Variants in HEATR3 observed in about 807,000 individuals in gnomAD.
HEATR3 encodes the protein HEAT repeat-containing protein 3.
In HEATR3, 56 loss-of-function variants were observed where a neutral mutation model predicts 72.8. The ratio of observed to expected loss-of-function variants is 0.77; its 90% CI spans 0.62 to 0.96. The LOEUF (loss-of-function observed/expected upper bound fraction) is 0.96. Among genes scored for constraint, HEATR3 ranks in the 40% least tolerant of loss-of-function variants. HEATR3 has a pLI of 0.00. For synonymous variants in HEATR3, 331 were observed against 318.1 expected, an observed-to-expected ratio of 1.04 and a Z score of -0.43; for missense variants, 747 against 831.4, an observed-to-expected ratio of 0.90 and a Z score of 1.25.
intron 6 of HEATR3, 133 bp from the exon 7 acceptor site, chr16:50,078,608 A>T: frequency 1.2e-6 from 1 of 808,932 alleles, no homozygotes; most frequent in South Asian, 1.9e-5. Flanking sequence ...TATTTAATAA[A>T]TAATGAACAA....
At chr16:50,092,233 G>GGCT (rs1390952346) in intron 11 of HEATR3, among the ~76,000 whole-genome samples, 1 of 151,840 alleles carries the variant, frequency 6.6e-6, no homozygotes, top group Non-Finnish European at 1.5e-5. Flanking sequence ...CTACTCGGGA[G>GGCT]GCTGAGGCAG....
intron 12 of HEATR3, among the ~76,000 whole-genome samples, chr16:50,098,810 T>A (rs931686048): frequency 6.6e-6 from 1 of 152,108 alleles, no homozygotes; most frequent in Non-Finnish European, 1.5e-5. Flanking sequence ...TACAGTGATA[T>A]TAAAATTGTT....
chr16:50,091,072 C>T (rs545865026), intron 11 of HEATR3, among the ~76,000 whole-genome samples: 8 of 151,392 alleles, frequency 5.3e-5, no homozygotes, highest in East Asian at 1.9e-4. Context: ...TGAACCTGGG[C>T]GGTGAAGATT....
Position 50,078,854 on chromosome 16 carries a change from A to T in HEATR3, c.877A>T (p.Ile293Phe). ...GGGAATGGATGCTGGTGAAATGGTT[A>T]TTCAAATGAAAGAGGCTGAAACGCA... ...VLGMDAGEMV[I>F]QMKEAETQRL... The change falls in exon 7 of 15, where the codon ATT becomes TTT. Residue 293 changes from isoleucine to phenylalanine, a missense_variant. This residue lies in a region of HEATR3 where 586 missense variants were observed against 708.8 expected (regional missense o/e 0.83). Coordinates refer to ENST00000299192, the MANE Select transcript of HEATR3 (RefSeq NM_182922.4). 1 of 1,614,160 alleles carries T rather than the reference A, an allele frequency of 6.2e-7. No homozygotes were observed. Among genetic ancestry groups the T allele is most frequent in the Non-Finnish European group, 8.5e-7 (1 of 1,180,024 alleles).
chr16:50,079,102 G>C (rs1029785592), intron 7 of HEATR3, 84 bp downstream of exon 7: 6 of 1,374,692 alleles, frequency 4.4e-6, no homozygotes, highest in Non-Finnish European at 5.9e-6. Flanking sequence ...GCAGAAAAAT[G>C]TTATAGCAAA....
At chr16:50,092,653 GGGAT>G (rs1462733262) in intron 11 of HEATR3, among the ~76,000 whole-genome samples, 15 of 151,658 alleles carry the variant, frequency 9.9e-5, no homozygotes, top group Non-Finnish European at 1.9e-4. Context: ...GTGTTAGCCA[GGGAT>G]GGTCTTGATC....
In HEATR3 at chr16:50,096,537, G is replaced by A. The variant is rs570647754; in HGVS notation, c.1599+1744G>A. ...GTTCAGGCCAGCTGCAGTGGCTCAC[G>A]CCTGTAATCCCAGCACTTTGGGAGG... is the stretch of plus-strand genomic sequence containing the variant. On this transcript the variant is annotated intron_variant, in intron 12 of 14. Coordinates refer to ENST00000299192, the MANE Select transcript of HEATR3 (RefSeq NM_182922.4). Among the ~76,000 whole-genome samples the A allele has an allele frequency of 9.9e-5, 15 of 151,474 alleles. No homozygotes were observed. In the East Asian group the frequency reaches 2.6e-3, roughly 26 times the overall value.
At chr16:50,081,946 A>G (rs1423107096) in intron 7 of HEATR3, among the ~76,000 whole-genome samples, 4 of 152,128 alleles carry the variant, frequency 2.6e-5, no homozygotes. Flanking sequence ...ATTTCGTCTA[A>G]ATTGGTTCTT....
intron 6 of HEATR3, 106 bp from the exon 7 acceptor site, chr16:50,078,635 A>AT (rs1396671203): frequency 3.2e-5 from 36 of 1,139,068 alleles, no homozygotes; most frequent in Non-Finnish European, 4.4e-5. Context: ...TAGGGCTGAG[A>AT]TTTTTTGAAA....
chr16:50,066,366 G>T lies in HEATR3; in HGVS notation c.139-1G>T. On this transcript the variant is annotated splice_acceptor_variant, in intron 1 of 14. Coordinates refer to ENST00000299192, the MANE Select transcript of HEATR3 (RefSeq NM_182922.4). LOFTEE classifies it high-confidence loss of function. ...CTGACCCTTTTCGCTCTCATCCGCA[G>T]CTCCAGCACCCGAGCGCCGAGGTCC... 6.4e-7 allele frequency: 1 copy of T among 1,551,458 alleles called. No individual in the cohort carries two copies. The highest frequency in any genetic ancestry group is 1.2e-5 in the South Asian group (1 of 85,492).
chr16:50,100,829 A>C, intron 13 of HEATR3: 1 of 197,900 alleles, frequency 5.1e-6, no homozygotes, highest in Non-Finnish European at 1.0e-5. Context: ...TTAAGCAGCA[A>C]CCCTGGTAGT....
At chr16:50,096,324 CAAAAAAAAAA>C (rs59995532) in intron 12 of HEATR3, among the ~76,000 whole-genome samples, 4 of 86,822 alleles carry the variant, frequency 4.6e-5, no homozygotes, top group African/African-American at 1.3e-4. Context: ...GACTCCGTCT[CAAAAAAAAAA>C]AAAAAAAAAA....
intron 12 of HEATR3, among the ~76,000 whole-genome samples, 160 bp from the exon 13 acceptor site, chr16:50,100,070 G>A (rs1254168063): frequency 5.0e-5 from 7 of 139,064 alleles, no homozygotes; most frequent in Non-Finnish European, 7.7e-5. Context: ...CTGTCTGGGA[G>A]AACTGGAATA....
chr16:50,104,892 A>G, intron 14 of HEATR3, 47 bp from the exon 15 acceptor site: 1 of 1,484,706 alleles, frequency 6.7e-7, no homozygotes, highest in Non-Finnish European at 9.1e-7. Context: ...TAAATGAATT[A>G]ATCATATCTA....
At chr16:50,090,713 T>C (rs1294992990) in intron 11 of HEATR3, among the ~76,000 whole-genome samples, 1 of 152,224 alleles carries the variant, frequency 6.6e-6, no homozygotes, top group African/African-American at 2.4e-5. Flanking sequence ...TTCGGCTCTA[T>C]TACATGAGTT....
At chr16:50,097,850 G>A (rs898602308) in intron 12 of HEATR3, among the ~76,000 whole-genome samples, 8 of 151,564 alleles carry the variant, frequency 5.3e-5, no homozygotes, top group Admixed American at 6.6e-5. Flanking sequence ...AGGAGGTGGA[G>A]GTTGCAGTGA....
At position 50,070,090 on chromosome 16, in the gene HEATR3, T is replaced by C. The variant is rs148300673; in HGVS notation, c.400-88T>C. The C allele has an allele frequency of 8.9e-4, 524 of 587,232 alleles. 3 individuals carry two copies. In the African/African-American group the frequency reaches 9.0e-3, roughly 10 times the overall value. The allele number at this position is 587,232 out of a possible 1,614,324, so 36.4% of individuals were successfully genotyped here. On this transcript the variant is annotated intron_variant, in intron 3 of 14. Coordinates refer to ENST00000299192, the MANE Select transcript of HEATR3 (RefSeq NM_182922.4). Reference sequence around the variant, plus strand: ...TTGTTAACCACGGTAATTTCTGATGTCTAGCCTTTGTGTTTCATCACCATC... The same window carrying C: ...TTGTTAACCACGGTAATTTCTGATGCCTAGCCTTTGTGTTTCATCACCATC...
Position 50,102,246 on chromosome 16 carries a change from T to C in HEATR3, c.1744-13T>C, listed in dbSNP as rs773188228. 1 of 1,606,846 alleles carries C rather than the reference T, an allele frequency of 6.2e-7. No homozygotes were observed. The highest frequency in any genetic ancestry group is 2.2e-5 in the East Asian group (1 of 44,824). On this transcript the variant is annotated splice_polypyrimidine_tract_variant and intron_variant, in intron 13 of 14. Coordinates refer to ENST00000299192, the MANE Select transcript of HEATR3 (RefSeq NM_182922.4). ...TGGTGTTAGTCATACTAAATGTGTT[T>C]TGTTGTTTCCAGAACATTGGGTGCT...
In HEATR3 at chr16:50,089,332, C is replaced by A. The variant is rs116938126; in HGVS notation, c.1510+2981C>A. ...AATCGCCTACCACACGTTACTGTCA[C>A]AACAGTAATTTTGAAAATGTATTCA... On this transcript the variant is annotated intron_variant, in intron 11 of 14. Coordinates refer to ENST00000299192, the MANE Select transcript of HEATR3 (RefSeq NM_182922.4). Among the ~76,000 whole-genome samples, 46 of 152,166 alleles carry A rather than the reference C, an allele frequency of 3.0e-4. No homozygotes were observed. In the East Asian group the frequency reaches 7.2e-3, roughly 24 times the overall value.
Sources: gnomAD v4.1 joint callset for allele counts (sites outside exome capture counted in the v4.1 genomes callset) on GRCh38, gnomAD v4.1.1 for gene constraint, gnomAD v4.1.1 regional missense constraint, MANE v1.5 for transcripts, NCBI Gene and HGNC (gene_info 2026-07-23, HGNC 2026-07-21) for gene names.